OTUD7A: variants seen among roughly 807,000 people sequenced by gnomAD.
The protein encoded by OTUD7A is OTU domain-containing protein 7A.
In OTUD7A, 12 loss-of-function variants were observed where a neutral mutation model predicts 65.7. That is an observed-to-expected ratio of 0.18 (90% CI 0.12 to 0.30). The LOEUF is 0.30. Ranked by LOEUF, OTUD7A falls within the 10% of genes least tolerant of loss-of-function variation. The pLI is 1.00. For synonymous variants in OTUD7A, 641 were observed against 586.3 expected, an observed-to-expected ratio of 1.09 and a Z score of -1.35; for missense variants, 1,148 against 1,304.8, an observed-to-expected ratio of 0.88 and a Z score of 1.85.
chr15:31,572,666 T>A (rs1367172738), intron 3 of OTUD7A, among the ~76,000 whole-genome samples: 1 of 152,152 alleles, frequency 6.6e-6, no homozygotes, highest in Non-Finnish European at 1.5e-5. Context: ...GAAGAAAAAC[T>A]ATAAATCAGA....
intron 1 of OTUD7A, among the ~76,000 whole-genome samples, chr15:31,852,553 C>G (rs1410018509): frequency 6.6e-6 from 1 of 152,192 alleles, no homozygotes; most frequent in Non-Finnish European, 1.5e-5. Flanking sequence ...ACACAAAGTT[C>G]ATAACCTTCA....
intron 1 of OTUD7A, among the ~76,000 whole-genome samples, chr15:31,761,339 A>T (rs1449191949): frequency 2.0e-5 from 3 of 152,200 alleles, no homozygotes; most frequent in Non-Finnish European, 2.9e-5. Flanking sequence ...AAAAACACAA[A>T]TAACCAATAA....
chr15:31,677,544 T>C (rs887608878), intron 1 of OTUD7A, among the ~76,000 whole-genome samples: 2 of 152,106 alleles, frequency 1.3e-5, no homozygotes, highest in African/African-American at 4.8e-5. Context: ...GTTCTCATGA[T>C]AATGAGTGAG....
At chr15:31,675,345 G>T (rs1263858531) in intron 1 of OTUD7A, among the ~76,000 whole-genome samples, 1 of 152,102 alleles carries the variant, frequency 6.6e-6, no homozygotes, top group Non-Finnish European at 1.5e-5. Context: ...TGTGAGAGAA[G>T]TGAATTCTCC....
chr15:31,832,892 A>G (rs1896970267), intron 1 of OTUD7A, among the ~76,000 whole-genome samples: 1 of 152,218 alleles, frequency 6.6e-6, no homozygotes, highest in African/African-American at 2.4e-5. Flanking sequence ...TACTGCTGCT[A>G]TAAACACGGA....
intron 3 of OTUD7A, among the ~76,000 whole-genome samples, chr15:31,577,122 C>A (rs1889224932): frequency 6.6e-6 from 1 of 152,226 alleles, no homozygotes; most frequent in East Asian, 1.9e-4. Context: ...AAATATATTT[C>A]TTTGAAATAT....
At chr15:31,782,544 C>T (rs1895567824) in intron 1 of OTUD7A, among the ~76,000 whole-genome samples, 1 of 152,196 alleles carries the variant, frequency 6.6e-6, no homozygotes, top group African/African-American at 2.4e-5. Flanking sequence ...TGAGCAGGGA[C>T]AGCCACACCC....
At chr15:31,607,495 G>GA (rs551080876) in intron 3 of OTUD7A, among the ~76,000 whole-genome samples, 1 of 151,368 alleles carries the variant, frequency 6.6e-6, no homozygotes, top group Non-Finnish European at 1.5e-5. Flanking sequence ...ACTTTCTCAG[G>GA]AAAAAAAATA....
chr15:31,817,408 A>C (rs1896578650), intron 1 of OTUD7A, among the ~76,000 whole-genome samples: 1 of 151,902 alleles, frequency 6.6e-6, no homozygotes, highest in Non-Finnish European at 1.5e-5. Context: ...GAAATCAAAC[A>C]CCAGGAGATT....
rs2041425248 is a variant in OTUD7A, at chr15:31,498,985, C to A, written c.1171+2705G>T. Among the ~76,000 whole-genome samples the A allele has an allele frequency of 6.6e-6, 1 of 152,130 alleles. No individual in the cohort carries two copies. Among genetic ancestry groups the A allele is most frequent in the Non-Finnish European group, 1.5e-5 (1 of 68,022 alleles). On this transcript the variant is annotated intron_variant, in intron 10 of 12. Coordinates refer to ENST00000307050, the MANE Select transcript of OTUD7A (RefSeq NM_001382637.1). This position sits in a 1 kb window ranked among gnomAD's most constrained non-coding sequence, Gnocchi z 4.2. Reference sequence around the variant, plus strand: ...TGGTCAGTGGCGGCATCAGCAGTAGCCGGGCCACGGCAGTAGCACCTATAA... The same window carrying A: ...TGGTCAGTGGCGGCATCAGCAGTAGACGGGCCACGGCAGTAGCACCTATAA...
chr15:31,708,184 T>G (rs1157522887), intron 1 of OTUD7A, among the ~76,000 whole-genome samples: 4 of 151,838 alleles, frequency 2.6e-5, no homozygotes, highest in Admixed American at 2.0e-4. Flanking sequence ...CACTTTTGCT[T>G]TTTAATCTAA....
At chr15:31,859,497 A>T (rs567068595) in intron 1 of OTUD7A, among the ~76,000 whole-genome samples, 1 of 152,386 alleles carries the variant, frequency 6.6e-6, no homozygotes, top group African/African-American at 2.4e-5. Context: ...CAAATAGTAA[A>T]GGTTCTACCA....
intron 1 of OTUD7A, among the ~76,000 whole-genome samples, chr15:31,726,169 T>A (rs2141354671): frequency 6.6e-6 from 1 of 152,096 alleles, no homozygotes; most frequent in Middle Eastern, 3.4e-3. Context: ...GTAATCTTAT[T>A]CCCTATCGGG....
intron 4 of OTUD7A, among the ~76,000 whole-genome samples, chr15:31,561,895 T>C (rs945917293): frequency 6.6e-6 from 1 of 152,214 alleles, no homozygotes; most frequent in East Asian, 1.9e-4. Context: ...ATCAAAGTTA[T>C]GTCTCAGAAA....
intron 3 of OTUD7A, among the ~76,000 whole-genome samples, chr15:31,595,514 A>G (rs768747844): frequency 9.2e-5 from 14 of 152,234 alleles, no homozygotes; most frequent in South Asian, 2.1e-4. Flanking sequence ...AGCATGATCA[A>G]GTAGATCACG....
intron 1 of OTUD7A, among the ~76,000 whole-genome samples, chr15:31,741,912 A>G (rs1894355826): frequency 6.6e-6 from 1 of 152,104 alleles, no homozygotes; most frequent in Non-Finnish European, 1.5e-5. Flanking sequence ...TGAAAAGAAT[A>G]ATAATATTGA....
At chr15:31,663,359 G>A (rs1280109901) in intron 1 of OTUD7A, among the ~76,000 whole-genome samples, 1 of 151,878 alleles carries the variant, frequency 6.6e-6, no homozygotes, top group Non-Finnish European at 1.5e-5. Context: ...CGTGTGCCAT[G>A]GTGGTTTGTT....
At chr15:31,785,995 T>C (rs759736452) in intron 1 of OTUD7A, among the ~76,000 whole-genome samples, 65 of 152,228 alleles carry the variant, frequency 4.3e-4, no homozygotes, top group Non-Finnish European at 7.8e-4. Context: ...GATTAATCCA[T>C]TCAAATCCAT....
intron 1 of OTUD7A, among the ~76,000 whole-genome samples, chr15:31,775,978 A>C (rs767173996): frequency 7.2e-5 from 11 of 152,232 alleles, no homozygotes; most frequent in Non-Finnish European, 1.3e-4. Flanking sequence ...ATACACATAC[A>C]CACACAGACA....
Sources: gnomAD v4.1 joint callset for allele counts (sites outside exome capture counted in the v4.1 genomes callset) on GRCh38, gnomAD v4.1.1 for gene constraint, Gnocchi (gnomAD v3.1) non-coding constraint, MANE v1.5 for transcripts, NCBI Gene and HGNC (gene_info 2026-07-23, HGNC 2026-07-21) for gene names.